SEMA3E: variants seen among roughly 807,000 people sequenced by gnomAD.
SEMA3E encodes semaphorin 3E.
SEMA3E carries 49 observed loss-of-function variants against 93.6 expected under a neutral mutation model. That is an observed-to-expected ratio of 0.52 (90% CI 0.42 to 0.66). SEMA3E has a LOEUF of 0.66. Among genes scored for constraint, SEMA3E ranks in the 30% least tolerant of loss-of-function variants. The probability of loss-of-function intolerance (pLI) is 0.00; values close to 1 mark genes in which losing one functional copy is unlikely to be tolerated. For missense variants in SEMA3E, 906 were observed against 964.8 expected (o/e 0.94, Z 0.81); for synonymous variants, 363 against 330.7 (o/e 1.10, Z -1.06).
chr7:83,441,218 A>C (rs370218551), intron 4 of SEMA3E, among the ~76,000 whole-genome samples: 9 of 152,348 alleles, frequency 5.9e-5, no homozygotes, highest in African/African-American at 7.2e-5. Flanking sequence ...AACTTGGGGA[A>C]AAGTTAGGTT....
At position 83,603,638 on chromosome 7, in the gene SEMA3E, C is replaced by T. The variant is rs894505303; in HGVS notation, c.115+44790G>A. Among the ~76,000 whole-genome samples, 16 of 152,182 alleles carry T rather than the reference C, an allele frequency of 1.1e-4. 1 individual carries two copies. In the South Asian group the frequency reaches 2.3e-3, roughly 22 times the overall value. ...AGTTTAGTTGTTTAGCAAATTGATT[C>T]TATTAACAGCAGTGAGATAGATATA... is the stretch of plus-strand genomic sequence containing the variant. On this transcript the variant is annotated intron_variant, in intron 1 of 16. Transcript: ENST00000643230.
At chr7:83,595,373 A>C (rs1467959556) in intron 1 of SEMA3E, among the ~76,000 whole-genome samples, 1 of 152,120 alleles carries the variant, frequency 6.6e-6, no homozygotes, top group Non-Finnish European at 1.5e-5. Flanking sequence ...TTGCAGAAAC[A>C]GTACAGAGTT....
At chr7:83,609,655 A>G (rs890280839) in intron 1 of SEMA3E, among the ~76,000 whole-genome samples, 6 of 151,982 alleles carry the variant, frequency 3.9e-5, no homozygotes, top group South Asian at 2.1e-4. Flanking sequence ...TGATTAATTT[A>G]ACAATAAAAC....
At chr7:83,565,005 A>G (rs1362328040) in intron 1 of SEMA3E, among the ~76,000 whole-genome samples, 1 of 152,174 alleles carries the variant, frequency 6.6e-6, no homozygotes, top group African/African-American at 2.4e-5. Flanking sequence ...AAAAAATGAT[A>G]AAGGGGATAT....
At chr7:83,605,902 G>A (rs1317233741) in intron 1 of SEMA3E, among the ~76,000 whole-genome samples, 1 of 152,150 alleles carries the variant, frequency 6.6e-6, no homozygotes, top group Admixed American at 6.6e-5. Context: ...TAGGTTGCCT[G>A]TTCATTCTGA....
chr7:83,384,950 G>C (rs886909257), intron 16 of SEMA3E, among the ~76,000 whole-genome samples: 4 of 151,636 alleles, frequency 2.6e-5, no homozygotes, highest in Non-Finnish European at 5.9e-5. Context: ...CACTGCCTTG[G>C]GAGTCATGAT....
chr7:83,541,460 T>C (rs1791529924), intron 1 of SEMA3E, among the ~76,000 whole-genome samples: 1 of 151,872 alleles, frequency 6.6e-6, no homozygotes, highest in South Asian at 2.1e-4. Flanking sequence ...TGGATGCTGC[T>C]GGATTCAACA....
chr7:83,641,254 A>G, intron 1 of SEMA3E: 1 of 309,762 alleles, frequency 3.2e-6, no homozygotes, highest in South Asian at 1.3e-4. Context: ...ATTTTGTTTT[A>G]TTCAGATACT....
intron 1 of SEMA3E, among the ~76,000 whole-genome samples, chr7:83,521,289 GT>G (rs1791043517): frequency 6.6e-6 from 1 of 152,000 alleles, no homozygotes; most frequent in South Asian, 2.1e-4. Context: ...CAGCATTGAG[GT>G]TCAACCTGGA....
chr7:83,645,726 TCTC>T (rs1794070788), intron 1 of SEMA3E, among the ~76,000 whole-genome samples: 1 of 112,358 alleles, frequency 8.9e-6, no homozygotes, highest in Admixed American at 7.8e-5. Context: ...TCCTTCTCTC[TCTC>T]TCTCTCTCTC....
At chr7:83,505,920 C>T (rs904467216) in intron 1 of SEMA3E, among the ~76,000 whole-genome samples, 5 of 148,186 alleles carry the variant, frequency 3.4e-5, no homozygotes, top group African/African-American at 1.2e-4. Flanking sequence ...GAGGCTGAGG[C>T]AGGAGAATGG....
intron 4 of SEMA3E, among the ~76,000 whole-genome samples, chr7:83,431,583 C>T (rs538302304): frequency 6.6e-6 from 1 of 152,114 alleles, no homozygotes; most frequent in South Asian, 2.1e-4. Context: ...TTTGTACTTG[C>T]AGTAGAGACG....
chr7:83,558,934 C>A (rs1375708384), intron 1 of SEMA3E, among the ~76,000 whole-genome samples: 1 of 152,104 alleles, frequency 6.6e-6, no homozygotes, highest in Non-Finnish European at 1.5e-5. Flanking sequence ...CTAGCTAACT[C>A]ATCAATTGAA....
chr7:83,402,532 T>G (rs562123302), intron 10 of SEMA3E, 100 bp downstream of exon 10: 2 of 1,049,016 alleles, frequency 1.9e-6, no homozygotes, highest in South Asian at 2.7e-5. Context: ...GGTATAGTAT[T>G]CCTTAATTGT....
At chr7:83,643,456 T>A (rs1274081016) in intron 1 of SEMA3E, among the ~76,000 whole-genome samples, 2 of 152,026 alleles carry the variant, frequency 1.3e-5, no homozygotes, top group Non-Finnish European at 2.9e-5. Context: ...ATATATGAAC[T>A]GTTTTTTCCT....
intron 1 of SEMA3E, among the ~76,000 whole-genome samples, chr7:83,617,652 T>A (rs1426173140): frequency 6.8e-6 from 1 of 147,280 alleles, no homozygotes; most frequent in Non-Finnish European, 1.5e-5. Context: ...TATAATTTAT[T>A]AATTAATAAA....
chr7:83,463,871 C>G (rs1789691787), intron 4 of SEMA3E, among the ~76,000 whole-genome samples: 1 of 152,162 alleles, frequency 6.6e-6, no homozygotes, highest in East Asian at 1.9e-4. Flanking sequence ...TTTGCCCCAC[C>G]CAGGACTGGC....
At chr7:83,628,721 G>A (rs968639495) in intron 1 of SEMA3E, among the ~76,000 whole-genome samples, 1 of 151,900 alleles carries the variant, frequency 6.6e-6, no homozygotes, top group African/African-American at 2.4e-5. Flanking sequence ...CTTGCATTGA[G>A]TTAGAACATA....
intron 16 of SEMA3E, among the ~76,000 whole-genome samples, chr7:83,369,200 A>G (rs1449351600): frequency 1.3e-5 from 2 of 152,188 alleles, no homozygotes; most frequent in Admixed American, 1.3e-4. Context: ...CTTCTTTGTC[A>G]ATATAAAAGA....
Sources: gnomAD v4.1 joint callset for allele counts (sites outside exome capture counted in the v4.1 genomes callset) on GRCh38, gnomAD v4.1.1 for gene constraint, MANE v1.5 for transcripts, NCBI Gene and HGNC (gene_info 2026-07-23, HGNC 2026-07-21) for gene names.